Variants in CCSER2 observed in about 807,000 individuals in gnomAD.
The protein encoded by CCSER2 is serine-rich coiled-coil domain-containing protein 2.
In CCSER2, 46 loss-of-function variants were observed where a neutral mutation model predicts 92.3. The observed-to-expected ratio is 0.50, with a 90% confidence interval of 0.39 to 0.64. CCSER2 has a LOEUF of 0.64. Ranked by LOEUF, CCSER2 falls within the 30% of genes least tolerant of loss-of-function variation. The pLI, the probability that CCSER2 is intolerant of heterozygous loss-of-function variation, is 0.00. For synonymous variants in CCSER2, 433 were observed against 431.4 expected, an observed-to-expected ratio of 1.00 and a Z score of -0.04; for missense variants, 1,244 against 1,238.9, an observed-to-expected ratio of 1.00 and a Z score of -0.06.
chr10:84,457,258 A>AAATATATTATATATTATATATTATATAT (rs1845702212), intron 6 of CCSER2, among the ~76,000 whole-genome samples: 1 of 42,356 alleles, frequency 2.4e-5, no homozygotes. Context: ...ATATTATATA[A>AAATATATTATATATTATATATTATATAT]AATATATTAT....
intron 3 of CCSER2, among the ~76,000 whole-genome samples, chr10:84,414,916 C>T (rs1189716787): frequency 6.6e-6 from 1 of 152,124 alleles, no homozygotes; most frequent in African/African-American, 2.4e-5. Context: ...CTCTGAGATT[C>T]TTTCCTCTAC....
At chr10:84,340,582 A>AT (rs1441297599) in intron 1 of CCSER2, among the ~76,000 whole-genome samples, 2 of 150,830 alleles carry the variant, frequency 1.3e-5, no homozygotes, top group Non-Finnish European at 3.0e-5. Context: ...TTGATGATTT[A>AT]TTTTCTATCC....
intron 1 of CCSER2, among the ~76,000 whole-genome samples, chr10:84,353,899 AAAAAC>A (rs1168521562): frequency 1.9e-5 from 2 of 104,160 alleles, no homozygotes; most frequent in African/African-American, 5.3e-5. Context: ...AAAAAAACAA[AAAAAC>A]AAAAAAACCC....
chr10:84,483,124 G>A (rs979600227), intron 9 of CCSER2, among the ~76,000 whole-genome samples: 1 of 152,124 alleles, frequency 6.6e-6, no homozygotes, highest in African/African-American at 2.4e-5. Context: ...TTTGTGCTTA[G>A]AATTAGGTTT....
Position 84,486,985 on chromosome 10 carries a change from A to G in CCSER2, c.2325+9321A>G, listed in dbSNP as rs1015103979. ...ATGGCTAGCCAGTTTTCCCAGCACC[A>G]TTTATTAAATAGGGAATCCTTTCCC... On this transcript the variant is annotated intron_variant, in intron 9 of 9. Coordinates refer to ENST00000372088, the MANE Select transcript of CCSER2 (RefSeq NM_001284240.2). Among the ~76,000 whole-genome samples, 8 of 152,158 alleles carry G rather than the reference A, an allele frequency of 5.3e-5. 1 individual carries two copies. Among genetic ancestry groups the G allele is most frequent in the African/African-American group, 1.7e-4 (7 of 41,436 alleles).
chr10:84,501,836 T>TATATATATATATATATATATACTC (rs1848756135), intron 9 of CCSER2, among the ~76,000 whole-genome samples: 2 of 37,894 alleles, frequency 5.3e-5, no homozygotes, highest in Non-Finnish European at 6.7e-5. Context: ...AAAAAAAAAA[T>TATATATATATATATATATATACTC]ATATATATAT....
At chr10:84,402,884 C>T (rs12762865) in intron 3 of CCSER2, among the ~76,000 whole-genome samples, 8,986 of 152,162 alleles carry the variant, frequency 0.059, 375 homozygotes, top group Admixed American at 0.1. Context: ...GTCACTTCTT[C>T]CTAAATTTAT....
At chr10:84,366,178 A>C (rs1268502371) in intron 1 of CCSER2, among the ~76,000 whole-genome samples, 1 of 152,138 alleles carries the variant, frequency 6.6e-6, no homozygotes, top group Non-Finnish European at 1.5e-5. Flanking sequence ...TCCTGAGCTC[A>C]AGCGATCCTT....
At chr10:84,435,088 T>C (rs1844025264) in intron 5 of CCSER2, among the ~76,000 whole-genome samples, 1 of 152,152 alleles carries the variant, frequency 6.6e-6, no homozygotes, top group Admixed American at 6.5e-5. Context: ...AAATACAGGG[T>C]TAATTTTGAA....
chr10:84,399,616 T>A (rs1011803852), intron 3 of CCSER2, among the ~76,000 whole-genome samples: 8 of 152,184 alleles, frequency 5.3e-5, no homozygotes, highest in Non-Finnish European at 2.9e-5. Flanking sequence ...TCCTGGAGAA[T>A]TTGTTCCATT....
chr10:84,375,078 T>G (rs1312112161), intron 3 of CCSER2, among the ~76,000 whole-genome samples: 1 of 152,138 alleles, frequency 6.6e-6, no homozygotes. Context: ...CAAATATGAT[T>G]GAAGTGCAAA....
intron 3 of CCSER2, among the ~76,000 whole-genome samples, chr10:84,411,146 G>A (rs184820519): frequency 1.4e-4 from 21 of 152,086 alleles, no homozygotes; most frequent in African/African-American, 4.3e-4. Context: ...TACCAGTACT[G>A]TGCTGTTTTG....
chr10:84,331,735 CAAAGA>C (rs1333550537), intron 1 of CCSER2, among the ~76,000 whole-genome samples: 1 of 152,110 alleles, frequency 6.6e-6, no homozygotes, highest in Non-Finnish European at 1.5e-5. Context: ...AAACAATGGT[CAAAGA>C]AATTTTAAAA....
intron 3 of CCSER2, among the ~76,000 whole-genome samples, chr10:84,403,809 A>G (rs1842241504): frequency 6.6e-6 from 1 of 152,194 alleles, no homozygotes; most frequent in African/African-American, 2.4e-5. Flanking sequence ...CATTTCTTAT[A>G]TTTCTGATGG....
chr10:84,386,045 A>G (rs939375328), intron 3 of CCSER2, among the ~76,000 whole-genome samples: 7 of 152,194 alleles, frequency 4.6e-5, no homozygotes, highest in African/African-American at 1.7e-4. Flanking sequence ...ACCTCACACC[A>G]GTCAGAATGG....
chr10:84,356,985 A>G (rs1349968573), intron 1 of CCSER2, among the ~76,000 whole-genome samples: 1 of 152,344 alleles, frequency 6.6e-6, no homozygotes, highest in East Asian at 1.9e-4. Flanking sequence ...CTACATTTGT[A>G]AAAAACCAGT....
intron 5 of CCSER2, among the ~76,000 whole-genome samples, chr10:84,437,567 A>G (rs906349270): frequency 3.3e-5 from 5 of 152,108 alleles, no homozygotes; most frequent in Non-Finnish European, 7.4e-5. Context: ...TAAGGTAGCA[A>G]TTTTTAAATT....
At chr10:84,501,266 C>G (rs1848703895) in intron 9 of CCSER2, among the ~76,000 whole-genome samples, 1 of 152,130 alleles carries the variant, frequency 6.6e-6, no homozygotes, top group African/African-American at 2.4e-5. Flanking sequence ...CTAGTCAAGT[C>G]ATCTGAAATT....
At position 84,462,493 on chromosome 10, in the gene CCSER2, T is replaced by G. The variant is rs147301835; in HGVS notation, c.2065-1440T>G. The stretch of plus-strand genomic sequence containing the variant: ...AGGACTGGCGATGCTTTTATATGTC[T>G]AGGCAGTAATAACGGAGATGAACTT... On this transcript the variant is annotated intron_variant, in intron 6 of 9. Transcript: ENST00000372088. Among the ~76,000 whole-genome samples the G allele has an allele frequency of 5.0e-3, 764 of 152,336 alleles. 6 individuals carry two copies. The highest frequency in any genetic ancestry group is 0.018 in the African/African-American group (746 of 41,570).
Sources: allele counts gnomAD v4.1 joint callset (sites outside exome capture counted in the v4.1 genomes callset), GRCh38; gene constraint gnomAD v4.1.1; transcripts MANE v1.5; gene names NCBI Gene and HGNC (gene_info 2026-07-23, HGNC 2026-07-21).